KIAA2012: variants seen among roughly 807,000 people sequenced by gnomAD.
KIAA2012 encodes the protein KIAA2012, also known as uncharacterized protein KIAA2012.
KIAA2012 carries 125 observed loss-of-function variants against 150.6 expected under a neutral mutation model. That is an observed-to-expected ratio of 0.83 (90% CI 0.72 to 0.96). The LOEUF is 0.96. KIAA2012 is among the 40% of genes least tolerant of loss of function. KIAA2012 has a pLI of 0.00. For missense variants in KIAA2012, 1,219 were observed against 1,354.9 expected, an observed-to-expected ratio of 0.90 and a Z score of 1.57; for synonymous variants, 462 against 504.7, an observed-to-expected ratio of 0.92 and a Z score of 1.13.
At position 202,164,597 on chromosome 2, in the gene KIAA2012, G is replaced by A. The variant is rs60196282; in HGVS notation, c.2047-687G>A. Among the ~76,000 whole-genome samples, 10 of 152,274 alleles carry A rather than the reference G, an allele frequency of 6.6e-5. No individual in the cohort carries two copies. The East Asian group carries it at 1.9e-3, about 29-fold the overall frequency. Reference sequence around the variant, plus strand: ...GCCTGTCTGACCCTTTGGCTCCCCTGCTTTAAATCCTGAATGCTTTCCATT... The same window carrying A: ...GCCTGTCTGACCCTTTGGCTCCCCTACTTTAAATCCTGAATGCTTTCCATT... On this transcript the variant is annotated intron_variant, in intron 14 of 23. Transcript: ENST00000498697.
At position 202,167,581 on chromosome 2, in the gene KIAA2012, C is replaced by T. The variant is rs143575238; in HGVS notation, c.2119+2225C>T. Among the ~76,000 whole-genome samples, 139 of 152,354 alleles carry T rather than the reference C, an allele frequency of 9.1e-4. 1 individual carries two copies. Among genetic ancestry groups the T allele is most frequent in the African/African-American group, 2.6e-3 (110 of 41,576 alleles). ...GTCACTCATGGTTCCAACCCCAGCA[C>T]TTTGGGAGGCAGGAGGATCACTTCA... On this transcript the variant is annotated intron_variant, in intron 15 of 23. Transcript: ENST00000498697.
At position 202,184,836 on chromosome 2, in the gene KIAA2012, C is replaced by CA; in HGVS notation, c.2208dup (p.Val737SerfsTer6). 4 of 1,546,006 alleles carry CA rather than the reference C, an allele frequency of 2.6e-6. No homozygotes were observed. The highest frequency in any genetic ancestry group is 3.5e-6 in the Non-Finnish European group (4 of 1,145,358). Reference sequence around the variant, plus strand: ...CCAGACCCCAGAAGCAGATATTGTGCAAAAAGTGTAAGTGTTCAAAGTTGT... The same window carrying CA: ...CCAGACCCCAGAAGCAGATATTGTGCAAAAAAGTGTAAGTGTTCAAAGTTGT... On this transcript the variant is annotated frameshift_variant, in exon 16 of 24. Transcript: ENST00000498697. LOFTEE classifies it high-confidence loss of function.
chr2:202,135,542 A>C (rs149375564), intron 12 of KIAA2012, among the ~76,000 whole-genome samples: 14 of 152,334 alleles, frequency 9.2e-5, no homozygotes, highest in Admixed American at 3.3e-4. Context: ...CTTGGACCTC[A>C]GTAAATTACC....
intron 3 of KIAA2012, among the ~76,000 whole-genome samples, chr2:202,091,252 C>T (rs1689712040): frequency 6.6e-6 from 1 of 152,200 alleles, no homozygotes; most frequent in Non-Finnish European, 1.5e-5. Flanking sequence ...CAACACCCAT[C>T]TTTTACAAGA....
intron 15 of KIAA2012, among the ~76,000 whole-genome samples, chr2:202,167,467 C>G (rs1347370084): frequency 2.6e-5 from 4 of 152,164 alleles, no homozygotes; most frequent in Admixed American, 2.6e-4. Flanking sequence ...CTGCCCTGGG[C>G]CTTGTTTCCA....
chr2:202,170,479 T>C (rs1691863963), intron 15 of KIAA2012, among the ~76,000 whole-genome samples: 1 of 152,176 alleles, frequency 6.6e-6, no homozygotes, highest in Non-Finnish European at 1.5e-5. Flanking sequence ...ACTGCATGAA[T>C]GGAAGCTTCC....
chr2:202,112,219 C>T (rs1690378688), intron 10 of KIAA2012, among the ~76,000 whole-genome samples: 2 of 152,028 alleles, frequency 1.3e-5, no homozygotes, highest in South Asian at 2.1e-4. Flanking sequence ...CAGCCACAAC[C>T]TCCAGGAAAG....
chr2:202,154,616 C>T, intron 13 of KIAA2012, 57 bp from the exon 14 acceptor site: 1 of 1,449,338 alleles, frequency 6.9e-7, no homozygotes, highest in Non-Finnish European at 9.2e-7. Flanking sequence ...TGGACTAGCT[C>T]TTGTTGCACT....
chr2:202,191,340 G>A (rs1404582441), intron 19 of KIAA2012, among the ~76,000 whole-genome samples: 1 of 152,012 alleles, frequency 6.6e-6, no homozygotes, highest in Non-Finnish European at 1.5e-5. Flanking sequence ...CTAATGTGGA[G>A]GTCTGAAGAG....
At chr2:202,079,057 A>G (rs1440604853) in intron 2 of KIAA2012, among the ~76,000 whole-genome samples, 2 of 152,060 alleles carry the variant, frequency 1.3e-5, no homozygotes, top group Admixed American at 6.6e-5. Context: ...ATTAGCTGGG[A>G]GTGGTGATGC....
At chr2:202,193,569 C>A in intron 20 of KIAA2012, 66 bp downstream of exon 20, 2 of 1,499,452 alleles carry the variant, frequency 1.3e-6, no homozygotes, top group Non-Finnish European at 1.8e-6. Flanking sequence ...CAGTGGTTGA[C>A]CTCCCCTAGG....
At chr2:202,081,111 C>T (rs891209634) in intron 2 of KIAA2012, among the ~76,000 whole-genome samples, 8 of 152,320 alleles carry the variant, frequency 5.3e-5, no homozygotes, top group Middle Eastern at 3.4e-3. Context: ...TTGCGGCTAA[C>T]TTGTTTCACT....
chr2:202,119,274 GAA>G (rs5837806), intron 11 of KIAA2012, among the ~76,000 whole-genome samples: 43 of 148,722 alleles, frequency 2.9e-4, no homozygotes, highest in Admixed American at 1.0e-3. Context: ...TCCGTCTCAG[GAA>G]AAAAAAAAAA....
chr2:202,101,269 G>T (rs961091107), intron 7 of KIAA2012, among the ~76,000 whole-genome samples: 5 of 152,238 alleles, frequency 3.3e-5, no homozygotes, highest in African/African-American at 1.2e-4. Context: ...GGCACTCCAG[G>T]TGGTCCTGCT....
intron 3 of KIAA2012, among the ~76,000 whole-genome samples, chr2:202,091,501 T>G (rs1689721388): frequency 6.6e-6 from 1 of 152,132 alleles, no homozygotes; most frequent in African/African-American, 2.4e-5. Flanking sequence ...TGGACACCCT[T>G]CTGATGAACA....
chr2:202,144,726 T>C (rs562246311), intron 13 of KIAA2012, among the ~76,000 whole-genome samples: 402 of 152,274 alleles, frequency 2.6e-3, no homozygotes, highest in Non-Finnish European at 4.4e-3. Flanking sequence ...GCACAGTGGC[T>C]CACACCTGTA....
At position 202,105,885 on chromosome 2, in the gene KIAA2012, G is replaced by C. The variant is rs1252157842; in HGVS notation, c.1449G>C (p.Ala483=). 1.9e-6 allele frequency: 3 copies of C among 1,550,692 alleles called. No homozygotes were observed. The highest frequency in any genetic ancestry group is 2.0e-5 in the Admixed American group (1 of 50,970). Residue 483 remains alanine, a synonymous_variant, in exon 9 of 24, where the codon GCG becomes GCC. Transcript: ENST00000498697. ...TAACAGTGCATCTCCCAGTGGACGC[G>C]AGCAGGGACACACTCTCACCTCAAG... The part of the protein sequence containing the change: ...WELTVHLPVD[A]SRDTLSPQDD...
At chr2:202,124,445 G>C (rs1690730718) in intron 11 of KIAA2012, among the ~76,000 whole-genome samples, 1 of 152,094 alleles carries the variant, frequency 6.6e-6, no homozygotes. Flanking sequence ...GCTAGAATCA[G>C]ATGGACTAGA....
chr2:202,186,704 C>G (rs2105743705), intron 16 of KIAA2012, among the ~76,000 whole-genome samples: 1 of 152,276 alleles, frequency 6.6e-6, no homozygotes, highest in South Asian at 2.1e-4. Flanking sequence ...AACAATTTAT[C>G]CCACTCTCTA....
Sources: gnomAD v4.1 joint callset for allele counts (sites outside exome capture counted in the v4.1 genomes callset) on GRCh38, gnomAD v4.1.1 for gene constraint, MANE v1.5 for transcripts, NCBI Gene and HGNC (gene_info 2026-07-23, HGNC 2026-07-21) for gene names.